The following APPBP2 variants were observed in gnomAD, a reference collection of about 807,000 sequenced individuals.
The protein encoded by APPBP2 is amyloid beta precursor protein binding protein 2, also known as amyloid protein-binding protein 2.
In APPBP2, 15 loss-of-function variants were observed where a neutral mutation model predicts 76.0. The observed-to-expected ratio is 0.20, with a 90% CI of 0.13 to 0.30. APPBP2 has a LOEUF of 0.30. APPBP2 is among the 10% of genes least tolerant of loss of function. APPBP2 has a pLI of 1.00. For missense variants in APPBP2, 401 were observed against 687.2 expected (o/e 0.58, Z 4.66); for synonymous variants, 222 against 242.2 (o/e 0.92, Z 0.77).
At chr17:60,505,739 T>A (rs2090863113) in intron 1 of APPBP2, among the ~76,000 whole-genome samples, 1 of 131,076 alleles carries the variant, frequency 7.6e-6, no homozygotes, top group East Asian at 2.3e-4. Flanking sequence ...CAGGCTAGAG[T>A]GTAGTGGTGC....
At chr17:60,463,967 CTT>C (rs2143327377) in intron 6 of APPBP2, 52 bp downstream of exon 6, 1 of 1,319,130 alleles carries the variant, frequency 7.6e-7, no homozygotes, top group Admixed American at 2.1e-5. Flanking sequence ...TTAAAACAAA[CTT>C]AAAGCCTGAT....
At chr17:60,455,572 T>C (rs916722863) in intron 10 of APPBP2, among the ~76,000 whole-genome samples, 2 of 152,190 alleles carry the variant, frequency 1.3e-5, no homozygotes, top group Non-Finnish European at 2.9e-5. Flanking sequence ...GATAGGGGTA[T>C]TTTGCAAGAG....
intron 1 of APPBP2, among the ~76,000 whole-genome samples, chr17:60,505,680 T>TTTTTTTTTG (rs1247421895): frequency 8.0e-6 from 1 of 125,550 alleles, no homozygotes; most frequent in African/African-American, 3.7e-5. Context: ...CCTGCGGTTT[T>TTTTTTTTTG]TTTTTTTTTT....
Position 60,517,497 on chromosome 17 carries a change from AT to A in APPBP2, c.138+8296del, listed in dbSNP as rs576680213. Among the ~76,000 whole-genome samples the A allele has an allele frequency of 1.9e-3, 287 of 152,250 alleles. 4 individuals carry two copies. The highest frequency in any genetic ancestry group is 4.0e-4 in the Non-Finnish European group (27 of 68,026). ...CCAAATTAATCTTTGCTGACATAAA[AT>A]TTTTTTCTAAAAAACTTTTTTCATA... On this transcript the variant is annotated intron_variant, in intron 1 of 12. Transcript: ENST00000083182.
At chr17:60,524,024 C>A (rs1235869806) in intron 1 of APPBP2, among the ~76,000 whole-genome samples, 1 of 152,182 alleles carries the variant, frequency 6.6e-6, no homozygotes, top group Non-Finnish European at 1.5e-5. Context: ...CATCTTAGCA[C>A]AGTGCCATAC....
At chr17:60,504,002 A>G (rs777200178) in intron 1 of APPBP2, among the ~76,000 whole-genome samples, 1 of 152,206 alleles carries the variant, frequency 6.6e-6, no homozygotes, top group Non-Finnish European at 1.5e-5. Flanking sequence ...ACAATTTAAA[A>G]TATTTTTATA....
At chr17:60,469,263 T>C (rs533993104) in intron 4 of APPBP2, among the ~76,000 whole-genome samples, 11 of 148,510 alleles carry the variant, frequency 7.4e-5, no homozygotes, top group South Asian at 4.2e-4. Flanking sequence ...GAGGCAGAGA[T>C]TGCAGTGAGT....
At chr17:60,510,693 G>A (rs2090904875) in intron 1 of APPBP2, among the ~76,000 whole-genome samples, 1 of 152,158 alleles carries the variant, frequency 6.6e-6, no homozygotes, top group South Asian at 2.1e-4. Context: ...CAGAGCCTGG[G>A]AGACAAAGTG....
intron 1 of APPBP2, among the ~76,000 whole-genome samples, chr17:60,514,843 G>A (rs367961849): frequency 3.2e-4 from 49 of 152,032 alleles, no homozygotes; most frequent in Middle Eastern, 3.4e-3. Flanking sequence ...TCACTCTGTC[G>A]CCCAGGCTGG....
intron 12 of APPBP2, among the ~76,000 whole-genome samples, chr17:60,449,716 A>G (rs1426458763): frequency 6.6e-6 from 1 of 152,182 alleles, no homozygotes. Flanking sequence ...CAGTTTCAGG[A>G]TTGTAGATCT....
At chr17:60,492,019 C>G (rs1292559008) in intron 3 of APPBP2, among the ~76,000 whole-genome samples, 1 of 152,180 alleles carries the variant, frequency 6.6e-6, no homozygotes. Flanking sequence ...GGCCCCCCTG[C>G]TGTGTGCAGA....
chr17:60,526,103 G>C lies in APPBP2; in HGVS notation c.-172C>G, dbSNP rs769996847. Reference sequence around the variant, plus strand: ...CTCCTCCGGGGGCAAACTGAGGGACGGCGGCAGCGGACGCAGGCCCGAGTA... The same window carrying C: ...CTCCTCCGGGGGCAAACTGAGGGACCGCGGCAGCGGACGCAGGCCCGAGTA... On this transcript the variant is annotated 5_prime_UTR_variant, in exon 1 of 13. Transcript: ENST00000083182. 12 of 628,816 alleles carry C rather than the reference G, an allele frequency of 1.9e-5. No individual in the cohort carries two copies. Among genetic ancestry groups the C allele is most frequent in the Non-Finnish European group, 2.5e-5 (9 of 363,470 alleles). The allele number at this position is 628,816 out of a possible 1,614,324, so 39.0% of individuals were successfully genotyped here. A position where few individuals can be genotyped will look rare whatever the true frequency, so the allele number is the denominator to read the frequency against.
intron 4 of APPBP2, among the ~76,000 whole-genome samples, chr17:60,474,615 T>G (rs927710516): frequency 6.6e-6 from 1 of 152,238 alleles, no homozygotes; most frequent in Non-Finnish European, 1.5e-5. Context: ...TATCCTTATT[T>G]GAAATGTTTG....
intron 1 of APPBP2, among the ~76,000 whole-genome samples, chr17:60,524,505 A>AAT (rs1412163314): frequency 6.6e-6 from 1 of 151,362 alleles, no homozygotes; most frequent in Non-Finnish European, 1.5e-5. Context: ...GCATGACCTA[A>AAT]ATGAATCTTC....
At chr17:60,480,848 A>G (rs1403122753) in intron 3 of APPBP2, among the ~76,000 whole-genome samples, 1 of 152,210 alleles carries the variant, frequency 6.6e-6, no homozygotes, top group Non-Finnish European at 1.5e-5. Flanking sequence ...AATGGGCTGC[A>G]TGACTGGAAG....
At chr17:60,466,660 T>C (rs2090513673) in intron 4 of APPBP2, among the ~76,000 whole-genome samples, 1 of 152,148 alleles carries the variant, frequency 6.6e-6, no homozygotes, top group Admixed American at 6.6e-5. Flanking sequence ...GTCCCATAAT[T>C]CATCTCATCA....
chr17:60,509,999 G>A (rs73330219), intron 1 of APPBP2, among the ~76,000 whole-genome samples: 12,487 of 151,564 alleles, frequency 0.082, 1,700 homozygotes, highest in African/African-American at 0.29. Flanking sequence ...TTTAAAAAAG[G>A]AAGTCTTGTA....
intron 1 of APPBP2, among the ~76,000 whole-genome samples, chr17:60,511,445 C>A (rs1024661106): frequency 6.6e-6 from 1 of 151,792 alleles, no homozygotes; most frequent in South Asian, 2.1e-4. Context: ...ATTAGCTGGG[C>A]GTGGTGTTGT....
intron 11 of APPBP2, 94 bp downstream of exon 11, chr17:60,454,206 TAA>T (rs1489376583): frequency 1.1e-6 from 1 of 904,318 alleles, no homozygotes; most frequent in Admixed American, 3.2e-5. Flanking sequence ...CTTTGTGCAA[TAA>T]GTGTATAATT....
Sources: gnomAD v4.1 joint callset for allele counts (sites outside exome capture counted in the v4.1 genomes callset) on GRCh38, gnomAD v4.1.1 for gene constraint, MANE v1.5 for transcripts, NCBI Gene and HGNC (gene_info 2026-07-23, HGNC 2026-07-21) for gene names.